DOC2B: variants seen among roughly 807,000 people sequenced by gnomAD.
DOC2B encodes double C2-like domain-containing protein beta.
In DOC2B, 21 loss-of-function variants were observed where a neutral mutation model predicts 28.9. The ratio of observed to expected loss-of-function variants is 0.73; its 90% CI spans 0.52 to 1.05. DOC2B has a LOEUF of 1.05. Ranked by LOEUF, DOC2B falls within the 50% of genes least tolerant of loss-of-function variation. The pLI, the probability that DOC2B is intolerant of heterozygous loss-of-function variation, is 0.00. For synonymous variants in DOC2B, 194 were observed against 178.1 expected (o/e 1.09, Z -0.71); for missense variants, 384 against 421.1 (o/e 0.91, Z 0.77).
chr17:155,327 G>A (rs1224780914), intron 6 of DOC2B, among the ~76,000 whole-genome samples: 1 of 152,096 alleles, frequency 6.6e-6, no homozygotes, highest in Non-Finnish European at 1.5e-5. Flanking sequence ...ATATGATCAT[G>A]GCCATGGGAA....
At chr17:169,004 C>G (rs374100013) in intron 2 of DOC2B, among the ~76,000 whole-genome samples, 16 of 152,196 alleles carry the variant, frequency 1.1e-4, no homozygotes, top group African/African-American at 2.9e-4. Context: ...GGTACTGGCA[C>G]TGAGGGAAGA....
chr17:172,463 G>A, intron 2 of DOC2B, 74 bp downstream of exon 2: 2 of 1,275,140 alleles, frequency 1.6e-6, no homozygotes, highest in East Asian at 5.1e-5. Context: ...GAGTGGTGTG[G>A]TCTGGCCTCC....
At chr17:176,122 A>C (rs891596490) in intron 1 of DOC2B, among the ~76,000 whole-genome samples, 1 of 152,144 alleles carries the variant, frequency 6.6e-6, no homozygotes, top group Admixed American at 6.6e-5. Context: ...GTGGCCCAGC[A>C]GACCCAGGCA....
chr17:166,472 C>T (rs187234894), intron 2 of DOC2B, among the ~76,000 whole-genome samples: 8 of 152,332 alleles, frequency 5.3e-5, no homozygotes, highest in South Asian at 2.1e-4. Flanking sequence ...GTGGGCCTCA[C>T]GGGAGGTGAC....
intron 4 of DOC2B, among the ~76,000 whole-genome samples, 165 bp downstream of exon 4, chr17:161,916 C>T (rs552734585): frequency 2.0e-4 from 30 of 152,314 alleles, no homozygotes; most frequent in African/African-American, 7.0e-4. Context: ...GCTCCATTGG[C>T]GTGGGCAGAC....
chr17:163,374 C>A (rs1339711807), intron 3 of DOC2B, among the ~76,000 whole-genome samples: 1 of 152,196 alleles, frequency 6.6e-6, no homozygotes, highest in African/African-American at 2.4e-5. Context: ...GGGGGAAGGG[C>A]CCCTTCTGGG....
intron 6 of DOC2B, among the ~76,000 whole-genome samples, chr17:151,989 C>G (rs140338270): frequency 6.6e-6 from 1 of 152,336 alleles, no homozygotes; most frequent in Non-Finnish European, 1.5e-5. Flanking sequence ...GCATACCCTA[C>G]TCTGGCACAA....
At chr17:166,207 A>AC (rs2040262960) in intron 2 of DOC2B, among the ~76,000 whole-genome samples, 1 of 152,256 alleles carries the variant, frequency 6.6e-6, no homozygotes, top group African/African-American at 2.4e-5. Context: ...ACCAGCAGGC[A>AC]CTGCCTGAAG....
At chr17:175,556 C>T (rs1264629678) in intron 1 of DOC2B, among the ~76,000 whole-genome samples, 2 of 152,232 alleles carry the variant, frequency 1.3e-5, no homozygotes, top group African/African-American at 4.8e-5. Flanking sequence ...GAATTAGCCC[C>T]CTGAGCACAG....
At chr17:165,175 G>A (rs1261294600) in intron 2 of DOC2B, among the ~76,000 whole-genome samples, 4 of 151,684 alleles carry the variant, frequency 2.6e-5, no homozygotes, top group Non-Finnish European at 5.9e-5. Flanking sequence ...CTGGGAAGTG[G>A]ATGAGTTACT....
In DOC2B at chr17:151,991, C is replaced by G. The variant is rs550019642; in HGVS notation, c.924-2799G>C. Among the ~76,000 whole-genome samples the G allele has an allele frequency of 5.9e-5, 9 of 152,348 alleles. No individual in the cohort carries two copies. In the East Asian group the frequency reaches 1.7e-3, roughly 29 times the overall value. Reference sequence around the variant, plus strand: ...GCACCCTCCCTGAGCATACCCTACTCTGGCACAAGCCCACCCTGCAAAGCC... The same window carrying G: ...GCACCCTCCCTGAGCATACCCTACTGTGGCACAAGCCCACCCTGCAAAGCC... On this transcript the variant is annotated intron_variant, in intron 6 of 8. Transcript: ENST00000613549.
intron 7 of DOC2B, among the ~76,000 whole-genome samples, 186 bp downstream of exon 7, chr17:148,925 G>A (rs1325960928): frequency 2.3e-5 from 3 of 130,348 alleles, no homozygotes; most frequent in African/African-American, 6.0e-5. Context: ...CCCTACATCC[G>A]ACAAGTCCTG....
chr17:156,849 G>A (rs1431591007), intron 5 of DOC2B, among the ~76,000 whole-genome samples: 1 of 152,228 alleles, frequency 6.6e-6, no homozygotes, highest in Non-Finnish European at 1.5e-5. Flanking sequence ...AAAGTGCTGG[G>A]ATTACAGACA....
rs1324101253 is a variant in DOC2B at position 145,370 on chromosome 17, G to C, written c.*2071C>G. On this transcript the variant is annotated 3_prime_UTR_variant, in exon 9 of 9. Coordinates refer to ENST00000613549, the MANE Select transcript of DOC2B (RefSeq NM_003585.5). ...TTTGAGTCCTGGTTCACCCCTTCCT[G>C]GCTGTGTGGCCTTGGCAAACTACTC... is the stretch of plus-strand genomic sequence containing the variant. The C allele has an allele frequency of 2.0e-5, 3 of 152,286 alleles. No homozygotes were observed. The highest frequency in any genetic ancestry group is 4.4e-5 in the Non-Finnish European group (3 of 68,116). 9.4% of individuals were successfully genotyped at this position (152,286 alleles called of 1,614,324 possible). A position where few individuals can be genotyped will look rare whatever the true frequency, so the allele number is the denominator to read the frequency against.
At position 143,313 on chromosome 17, in the gene DOC2B, C is replaced by T. The variant is rs955711806; in HGVS notation, c.*4128G>A. 56 of 149,588 alleles carry T rather than the reference C, an allele frequency of 3.7e-4. No individual in the cohort carries two copies. The highest frequency in any genetic ancestry group is 1.3e-3 in the African/African-American group (53 of 40,838). The allele number at this position is 149,588 out of a possible 1,614,324, so 9.3% of individuals were successfully genotyped here. Reference sequence around the variant, plus strand: ...GCCTTTTCCTCCGTCTTTCCACCCTCCCCTCCTACCCTTCCAAATCTTTTT... The same window carrying T: ...GCCTTTTCCTCCGTCTTTCCACCCTTCCCTCCTACCCTTCCAAATCTTTTT... On this transcript the variant is annotated 3_prime_UTR_variant, in exon 9 of 9. Transcript: ENST00000613549.
chr17:165,944 A>AC (rs1567534969), intron 2 of DOC2B, among the ~76,000 whole-genome samples: 2 of 152,290 alleles, frequency 1.3e-5, no homozygotes, highest in Non-Finnish European at 2.9e-5. Context: ...CGTTTCACTT[A>AC]CAAACCTTTG....
intron 1 of DOC2B, among the ~76,000 whole-genome samples, chr17:179,433 C>T (rs1351582214): frequency 6.6e-6 from 1 of 151,336 alleles, no homozygotes; most frequent in Non-Finnish European, 1.5e-5. Context: ...CTTGGCCATT[C>T]GCCATGCAGA....
intron 5 of DOC2B, among the ~76,000 whole-genome samples, chr17:156,687 G>A (rs1555522585): frequency 6.6e-6 from 1 of 152,210 alleles, no homozygotes; most frequent in African/African-American, 2.4e-5. Context: ...CAGGCCCGAC[G>A]CCTGGCTCTG....
At chr17:160,397 A>G (rs757573935) in intron 5 of DOC2B, among the ~76,000 whole-genome samples, 1 of 152,216 alleles carries the variant, frequency 6.6e-6, no homozygotes, top group Non-Finnish European at 1.5e-5. Context: ...AAATTCTGCA[A>G]AAGTAACTGG....
Sources: gnomAD v4.1 joint callset for allele counts (sites outside exome capture counted in the v4.1 genomes callset) on GRCh38, gnomAD v4.1.1 for gene constraint, MANE v1.5 for transcripts, NCBI Gene and HGNC (gene_info 2026-07-23, HGNC 2026-07-21) for gene names.